TPRG1: variants seen among roughly 807,000 people sequenced by gnomAD.
The protein encoded by TPRG1 is tumor protein p63-regulated gene 1 protein.
TPRG1 carries 29 observed loss-of-function variants against 29.3 expected under a neutral mutation model. The ratio of observed to expected loss-of-function variants is 0.99; its 90% CI spans 0.74 to 1.35. TPRG1 has a LOEUF of 1.35. Ranked by LOEUF, TPRG1 falls within the 40% of genes most tolerant of loss-of-function variation. TPRG1 has a pLI of 0.00. For synonymous variants in TPRG1, 130 were observed against 116.8 expected (o/e 1.11, Z -0.73); for missense variants, 327 against 335.0 (o/e 0.98, Z 0.19).
chr3:189,198,270 A>T (rs536730086), intron 1 of TPRG1, among the ~76,000 whole-genome samples: 2 of 151,968 alleles, frequency 1.3e-5, no homozygotes. Flanking sequence ...CTTATTCCAC[A>T]CCTCTAACTT....
At chr3:189,237,191 A>T (rs1291972392) in intron 3 of TPRG1, among the ~76,000 whole-genome samples, 1 of 152,144 alleles carries the variant, frequency 6.6e-6, no homozygotes, top group African/African-American at 2.4e-5. Flanking sequence ...CACTCAATAG[A>T]TATGTATTTA....
chr3:189,320,684 C>T lies in TPRG1; in HGVS notation c.692C>T (p.Thr231Ile). ...ATCCAGAATGCCCACAAGAATTCAA[C>T]TGGATCTGGAAGAGGAAAGAAACTG... The part of the protein sequence containing the change: ...PAIQNAHKNS[T>I]GSGRGKKLMV... The change falls in exon 6 of 6, where the codon ACT becomes ATT. Residue 231 changes from threonine to isoleucine, a missense_variant. Thr to Ile is a moderately conservative substitution (Grantham distance 89). Transcript: ENST00000345063. 6.2e-7 allele frequency: 1 copy of T among 1,612,504 alleles called. No homozygotes were observed. Among genetic ancestry groups the T allele is most frequent in the Non-Finnish European group, 8.5e-7 (1 of 1,179,230 alleles).
At chr3:189,299,359 G>A (rs1480157816) in intron 4 of TPRG1, among the ~76,000 whole-genome samples, 1 of 152,116 alleles carries the variant, frequency 6.6e-6, no homozygotes, top group African/African-American at 2.4e-5. Flanking sequence ...AGCATCTGCG[G>A]CAAAACACTT....
intron 1 of TPRG1, among the ~76,000 whole-genome samples, chr3:189,104,182 A>G (rs1230568087): frequency 6.6e-6 from 1 of 152,126 alleles, no homozygotes; most frequent in African/African-American, 2.4e-5. Context: ...GAGGTGCTTA[A>G]CTGATGTATG....
At chr3:189,065,110 A>G (rs1578272764) in intron 4 of TPRG1, among the ~76,000 whole-genome samples, 1 of 152,258 alleles carries the variant, frequency 6.6e-6, no homozygotes, top group Non-Finnish European at 1.5e-5. Context: ...CCAGGAACTC[A>G]AGGCTGCAGT....
chr3:189,244,135 A>T lies in TPRG1; in HGVS notation c.479+5226A>T, dbSNP rs192428097. Among the ~76,000 whole-genome samples, 519 of 152,202 alleles carry T rather than the reference A, an allele frequency of 3.4e-3. 4 individuals carry two copies. Among genetic ancestry groups the T allele is most frequent in the Non-Finnish European group, 4.5e-3 (307 of 67,992 alleles). On this transcript the variant is annotated intron_variant, in intron 4 of 5. Coordinates refer to ENST00000345063, the MANE Select transcript of TPRG1 (RefSeq NM_198485.4). ...AATATCTGCGACTGGGTAATTTATTAAAAAAAGAGGTTTGCCGTGTGCAAT... is the reference window on the plus strand; with the variant it reads ...AATATCTGCGACTGGGTAATTTATTTAAAAAAGAGGTTTGCCGTGTGCAAT...
intron 3 of TPRG1, among the ~76,000 whole-genome samples, chr3:189,139,037 G>T (rs150341570): frequency 6.6e-6 from 1 of 152,230 alleles, no homozygotes; most frequent in African/African-American, 2.4e-5. Context: ...TCTTAAAATG[G>T]GAGCAAAAGA....
chr3:189,159,782 G>T lies in TPRG1; in HGVS notation c.-10+8910G>T, dbSNP rs956561147. On this transcript the variant is annotated intron_variant, in intron 5 of 6. Transcript: ENST00000412373. ...AATTTCAGGCACTGCAGATTCATACGCACAGTCCTGGGGTAAAGGTTTTTG... is the reference window on the plus strand; with the variant it reads ...AATTTCAGGCACTGCAGATTCATACTCACAGTCCTGGGGTAAAGGTTTTTG... Among the ~76,000 whole-genome samples the T allele has an allele frequency of 2.6e-5, 4 of 151,820 alleles. No individual in the cohort carries two copies. In the East Asian group the frequency reaches 5.8e-4, roughly 22 times the overall value.
intron 2 of TPRG1, among the ~76,000 whole-genome samples, chr3:189,003,022 G>A (rs1449151246): frequency 6.6e-6 from 1 of 152,082 alleles, no homozygotes; most frequent in Non-Finnish European, 1.5e-5. Context: ...TGGCTTCCGA[G>A]TCTTCTAAAC....
At chr3:189,083,826 G>GATAAAGAAATTTTA (rs775738788) in intron 4 of TPRG1, among the ~76,000 whole-genome samples, 13,660 of 152,118 alleles carry the variant, frequency 0.09, 771 homozygotes, top group African/African-American at 0.16. Context: ...CTTTATCTCT[G>GATAAAGAAATTTTA]ATCTTCAGCT....
chr3:189,283,306 G>A (rs1051201763), intron 4 of TPRG1, among the ~76,000 whole-genome samples: 23 of 152,272 alleles, frequency 1.5e-4, no homozygotes, highest in African/African-American at 5.5e-4. Flanking sequence ...CATGTCCATT[G>A]AAATGACATT....
chr3:189,321,345 CAG>C lies in TPRG1; in HGVS notation c.*526_*527del, dbSNP rs1425694493. The stretch of plus-strand genomic sequence containing the variant: ...GCTAATCATCTATATATCAGTGTCC[CAG>C]TGGCCTCTTAATTGAGCATTATCAA... On this transcript the variant is annotated 3_prime_UTR_variant, in exon 6 of 6. Transcript: ENST00000345063. The C allele has an allele frequency of 6.6e-6, 1 of 151,960 alleles. No individual in the cohort carries two copies. The highest frequency in any genetic ancestry group is 1.5e-5 in the Non-Finnish European group (1 of 67,982). The allele number at this position is 151,960 out of a possible 1,614,324, so 9.4% of individuals were successfully genotyped here.
intron 4 of TPRG1, among the ~76,000 whole-genome samples, chr3:189,251,969 A>G (rs1579045596): frequency 6.6e-6 from 1 of 152,166 alleles, no homozygotes; most frequent in African/African-American, 2.4e-5. Context: ...CCATGAGGCC[A>G]TATTTCAGAC....
At chr3:189,151,502 TGG>T (rs1725930054) in intron 5 of TPRG1, among the ~76,000 whole-genome samples, 1 of 152,042 alleles carries the variant, frequency 6.6e-6, no homozygotes, top group Non-Finnish European at 1.5e-5. Context: ...TAAACTCCTT[TGG>T]TTGTAAGAAA....
chr3:189,304,882 C>T (rs1369933068), intron 4 of TPRG1, among the ~76,000 whole-genome samples: 1 of 152,152 alleles, frequency 6.6e-6, no homozygotes, highest in African/African-American at 2.4e-5. Context: ...CGCCCGCCCG[C>T]CTCCTCCCAC....
intron 4 of TPRG1, among the ~76,000 whole-genome samples, chr3:189,041,179 C>G (rs1714610394): frequency 6.6e-6 from 1 of 152,174 alleles, no homozygotes; most frequent in Non-Finnish European, 1.5e-5. Context: ...GCTCCCAATT[C>G]TTTGCTTCCT....
intron 4 of TPRG1, among the ~76,000 whole-genome samples, chr3:189,032,589 TTTTTTC>T (rs920707859): frequency 5.3e-5 from 8 of 150,168 alleles, no homozygotes; most frequent in African/African-American, 1.8e-4. Flanking sequence ...TCTCTCCTTT[TTTTTTC>T]TTTTTTTTTA....
chr3:189,187,607 G>A (rs1383382743), intron 1 of TPRG1, among the ~76,000 whole-genome samples: 3 of 152,040 alleles, frequency 2.0e-5, no homozygotes, highest in South Asian at 2.1e-4. Context: ...GTAAGCCACC[G>A]TGCCCAGCCT....
chr3:189,060,658 A>G (rs890145410), intron 4 of TPRG1, among the ~76,000 whole-genome samples: 16 of 152,170 alleles, frequency 1.1e-4, no homozygotes, highest in African/African-American at 3.6e-4. Context: ...TACAGCCAAG[A>G]TGAGAGCCAA....
Sources: allele counts gnomAD v4.1 joint callset (sites outside exome capture counted in the v4.1 genomes callset), GRCh38; gene constraint gnomAD v4.1.1; transcripts MANE v1.5; gene names NCBI Gene and HGNC (gene_info 2026-07-23, HGNC 2026-07-21).